Variants in CPNE5 observed in about 807,000 individuals in gnomAD.
CPNE5 encodes copine-5.
A neutral mutation model predicts 81.1 loss-of-function variants in CPNE5; 42 were observed. The ratio of observed to expected loss-of-function variants is 0.52; its 90% confidence interval spans 0.40 to 0.67. The LOEUF (loss-of-function observed/expected upper bound fraction) is 0.67. Ranked by LOEUF, CPNE5 falls within the 30% of genes least tolerant of loss-of-function variation. CPNE5 has a pLI of 0.00. For synonymous variants in CPNE5, 313 were observed against 321.5 expected (o/e 0.97, Z 0.28); for missense variants, 612 against 815.5 (o/e 0.75, Z 3.04).
chr6:36,744,317 C>G lies in CPNE5; in HGVS notation c.1440G>C (p.Lys480Asn), dbSNP rs1244348712. Residue 480 changes from lysine to asparagine, a missense_variant, in exon 19 of 21, where the codon AAG (lysine) becomes AAC (asparagine). Transcript: ENST00000244751. ...QTKEAIVNAAKLPMSIIIVGV... is the reference protein window; with the variant it reads ...QTKEAIVNAANLPMSIIIVGV... The stretch of plus-strand genomic sequence containing the variant: ...CGACGATAATGATGGACATGGGGAG[C>G]TTGGCAGCCTGGGAGACAGCATGGG... 6.3e-7 allele frequency: 1 copy of G among 1,582,354 alleles called. No individual in the cohort carries two copies. Among genetic ancestry groups the G allele is most frequent in the East Asian group, 2.3e-5 (1 of 43,894 alleles).
Position 36,792,058 on chromosome 6 carries a change from GA to G in CPNE5, c.502del (p.Ser168ProfsTer54). The stretch of plus-strand genomic sequence containing the variant: ...CCTACAGTTGCTGAGCTCCTCAGCG[GA>G]CAGGATGATGGTGCCACATTTCTTT... ...PGKKCGTIILSAEELSNCRDV... is the reference protein window; with the variant it reads ...PGKKCGTIILXAEELSNCRDV... On this transcript the variant is annotated frameshift_variant, in exon 8 of 21. Coordinates refer to ENST00000244751, the MANE Select transcript of CPNE5 (RefSeq NM_020939.2). LOFTEE classifies it high-confidence loss of function. 6.2e-7 allele frequency: 1 copy of G among 1,614,104 alleles called. No individual in the cohort carries two copies.
chr6:36,752,363 T>C (rs1764937168), intron 14 of CPNE5, among the ~76,000 whole-genome samples: 1 of 152,094 alleles, frequency 6.6e-6, no homozygotes, highest in Non-Finnish European at 1.5e-5. Flanking sequence ...CTCCCCCATC[T>C]GTCTGGGCCT....
intron 3 of CPNE5, among the ~76,000 whole-genome samples, chr6:36,806,301 G>A (rs776402955): frequency 2.0e-5 from 3 of 152,164 alleles, no homozygotes; most frequent in Non-Finnish European, 2.9e-5. Flanking sequence ...CTTCCAGTGG[G>A]GTTTGGCCAG....
chr6:36,769,097 G>T (rs1766833989), intron 10 of CPNE5, among the ~76,000 whole-genome samples: 1 of 152,142 alleles, frequency 6.6e-6, no homozygotes, highest in Admixed American at 6.5e-5. Context: ...GCTCCATGAG[G>T]CCCGGGATTT....
At chr6:36,814,554 A>G (rs2150569303) in intron 3 of CPNE5, among the ~76,000 whole-genome samples, 1 of 152,324 alleles carries the variant, frequency 6.6e-6, no homozygotes. Context: ...CCAAAAGATC[A>G]GTGGCATATT....
In CPNE5 at chr6:36,836,803, C is replaced by T. The variant is rs181099066; in HGVS notation, c.95+2480G>A. ...CCTGAATAGTTGGGCCTGGCTGAGG[C>T]AGAGAGATGCATCTACAATTTCCAG... On this transcript the variant is annotated intron_variant, in intron 1 of 20. Transcript: ENST00000244751. Among the ~76,000 whole-genome samples the T allele has an allele frequency of 1.9e-3, 282 of 152,228 alleles. 1 individual carries two copies. The South Asian group carries it at 0.019, about 10-fold the overall frequency.
At chr6:36,787,183 C>T (rs1768638369) in intron 8 of CPNE5, among the ~76,000 whole-genome samples, 1 of 152,224 alleles carries the variant, frequency 6.6e-6, no homozygotes, top group Admixed American at 6.5e-5. Context: ...ATCTCTCTTT[C>T]TCCATGGCTC....
chr6:36,762,311 C>T (rs1766120849), intron 12 of CPNE5, among the ~76,000 whole-genome samples: 1 of 150,786 alleles, frequency 6.6e-6, no homozygotes, highest in African/African-American at 2.5e-5. Flanking sequence ...CATGCACACA[C>T]ACACACACAC....
In CPNE5 at chr6:36,823,086, G is replaced by A. The variant is rs747478063; in HGVS notation, c.108C>T (p.Asp36=). ...EITVSCRNLL[D]KDMFSKSDPL... is the part of the protein sequence containing the mutation. ...GGTCGGACTTGGAAAACATGTCTTT[G>A]TCCAGGAGGTTCCTGAAAGAGGGGG... The change falls in exon 2 of 21, where the codon GAC becomes GAT. Residue 36 remains aspartate, a synonymous_variant. Transcript: ENST00000244751. The A allele has an allele frequency of 1.9e-6, 3 of 1,572,868 alleles. No individual in the cohort carries two copies.
At chr6:36,792,950 G>A in intron 7 of CPNE5, among the ~76,000 whole-genome samples, 1 of 152,200 alleles carries the variant, frequency 6.6e-6, no homozygotes, top group East Asian at 1.9e-4. Context: ...GTGACTTTGG[G>A]CTCATTCCTG....
intron 3 of CPNE5, among the ~76,000 whole-genome samples, chr6:36,806,987 G>T (rs1167442751): frequency 1.3e-5 from 2 of 152,238 alleles, no homozygotes; most frequent in Admixed American, 1.3e-4. Flanking sequence ...AGTGAGGACT[G>T]GGGGATGGAA....
At chr6:36,759,754 A>G (rs1562105087) in intron 12 of CPNE5, among the ~76,000 whole-genome samples, 4 of 152,032 alleles carry the variant, frequency 2.6e-5, no homozygotes, top group Admixed American at 2.6e-4. Context: ...AGGGAGTCTC[A>G]GGTGGAGGCA....
At chr6:36,808,231 C>T (rs1269196511) in intron 3 of CPNE5, among the ~76,000 whole-genome samples, 1 of 152,116 alleles carries the variant, frequency 6.6e-6, no homozygotes, top group Non-Finnish European at 1.5e-5. Flanking sequence ...GCTGGGATTA[C>T]ACGTGCCTGC....
At chr6:36,776,483 A>C (rs1582840936) in intron 9 of CPNE5, among the ~76,000 whole-genome samples, 1 of 152,132 alleles carries the variant, frequency 6.6e-6, no homozygotes. Context: ...GCTGCCCCTG[A>C]CTGGGGTAGG....
chr6:36,741,865 C>T lies in CPNE5; in HGVS notation c.*403G>A, dbSNP rs1380668063. 2 of 194,266 alleles carry T rather than the reference C, an allele frequency of 1.0e-5. No homozygotes were observed. The highest frequency in any genetic ancestry group is 2.3e-5 in the African/African-American group (1 of 42,856). The allele number at this position is 194,266 out of a possible 1,614,324, so 12.0% of individuals were successfully genotyped here. On this transcript the variant is annotated 3_prime_UTR_variant, in exon 21 of 21. Coordinates refer to ENST00000244751, the MANE Select transcript of CPNE5 (RefSeq NM_020939.2). ...GGGGCTCAGGGACAGGAGTAGACAC[C>T]ATGGGAGGATGGGACGGAGATGGGG...
chr6:36,775,358 G>C lies in CPNE5; in HGVS notation c.633-293C>G, dbSNP rs189056715. On this transcript the variant is annotated intron_variant, in intron 9 of 20. Transcript: ENST00000244751. Reference sequence around the variant, plus strand: ...GCCTCTGCTCTGGGGCCACCTCACCGTGTGACCTTGAGCAAGCTCTCCCCT... The same window carrying C: ...GCCTCTGCTCTGGGGCCACCTCACCCTGTGACCTTGAGCAAGCTCTCCCCT... Among the ~76,000 whole-genome samples the C allele has an allele frequency of 6.6e-5, 10 of 152,326 alleles. No homozygotes were observed. The East Asian group carries it at 1.5e-3, about 23-fold the overall frequency.
chr6:36,834,332 A>AC (rs1561833602), intron 1 of CPNE5, among the ~76,000 whole-genome samples: 1 of 150,860 alleles, frequency 6.6e-6, no homozygotes, highest in African/African-American at 2.4e-5. Flanking sequence ...AAGAAAAAAA[A>AC]AACAAGTTGT....
At chr6:36,769,816 G>C (rs967021299) in intron 10 of CPNE5, among the ~76,000 whole-genome samples, 2 of 152,166 alleles carry the variant, frequency 1.3e-5, no homozygotes, top group African/African-American at 4.8e-5. Context: ...CTGATAGGGC[G>C]CCTGGCCCTC....
intron 12 of CPNE5, among the ~76,000 whole-genome samples, chr6:36,760,229 A>AAAT (rs1164657897): frequency 2.4e-4 from 36 of 151,210 alleles, no homozygotes; most frequent in African/African-American, 7.5e-4. Flanking sequence ...AAAAAAAAAA[A>AAAT]AAAGCACGCA....
Sources: gnomAD v4.1 joint callset for allele counts (sites outside exome capture counted in the v4.1 genomes callset) on GRCh38, gnomAD v4.1.1 for gene constraint, MANE v1.5 for transcripts, NCBI Gene and HGNC (gene_info 2026-07-23, HGNC 2026-07-21) for gene names.